ITIH5: variants seen among roughly 807,000 people sequenced by gnomAD.
ITIH5 encodes the protein inter-alpha-trypsin inhibitor heavy chain 5.
Under a neutral mutation model 77.5 loss-of-function variants are expected in ITIH5, and 65 were observed. That is an observed-to-expected ratio of 0.84 (90% CI 0.69 to 1.03). The LOEUF (loss-of-function observed/expected upper bound fraction) is 1.03. Ranked by LOEUF, ITIH5 falls within the 50% of genes least tolerant of loss-of-function variation. The pLI, the probability that ITIH5 is intolerant of heterozygous loss-of-function variation, is 0.00. For synonymous variants in ITIH5, 525 were observed against 494.3 expected, an observed-to-expected ratio of 1.06 and a Z score of -0.82; for missense variants, 1,208 against 1,213.1, an observed-to-expected ratio of 1.00 and a Z score of 0.06.
intron 11 of ITIH5, chr10:7,572,514 C>G: frequency 8.1e-7 from 1 of 1,229,992 alleles, no homozygotes; most frequent in African/African-American, 1.6e-5. Flanking sequence ...CTCCGGATCT[C>G]TAAAACAAAT....
At chr10:7,568,977 T>C (rs1374943302) in intron 12 of ITIH5, among the ~76,000 whole-genome samples, 1 of 151,384 alleles carries the variant, frequency 6.6e-6, no homozygotes, top group Admixed American at 6.6e-5. Flanking sequence ...TACACAATAA[T>C]ATATTGTGGT....
At chr10:7,613,763 GAGAC>G (rs1359990210) in intron 7 of ITIH5, among the ~76,000 whole-genome samples, 3 of 152,186 alleles carry the variant, frequency 2.0e-5, no homozygotes, top group Non-Finnish European at 4.4e-5. Flanking sequence ...CAAGACCGAA[GAGAC>G]ACCTGAGAGG....
chr10:7,644,788 A>C (rs1053367118), intron 2 of ITIH5, among the ~76,000 whole-genome samples: 70 of 127,646 alleles, frequency 5.5e-4, no homozygotes, highest in African/African-American at 2.1e-3. Context: ...TCACATATAT[A>C]TCATATATAT....
intron 5 of ITIH5, chr10:7,619,787 G>T: frequency 6.0e-6 from 1 of 165,300 alleles, no homozygotes; most frequent in African/African-American, 2.4e-5. Context: ...CCTCCCACCA[G>T]GCCACTCCTC....
At chr10:7,581,859 G>A (rs1020770628) in intron 8 of ITIH5, among the ~76,000 whole-genome samples, 1 of 141,540 alleles carries the variant, frequency 7.1e-6, no homozygotes, top group Non-Finnish European at 1.5e-5. Flanking sequence ...ACCATGCCCG[G>A]CCACCCATGT....
intron 11 of ITIH5, chr10:7,571,916 G>GA: frequency 2.1e-6 from 2 of 962,886 alleles, no homozygotes; most frequent in Non-Finnish European, 2.5e-6. Context: ...GGGACCCATG[G>GA]AGATAGAGGA....
chr10:7,612,873 G>C (rs1370798973), intron 7 of ITIH5, among the ~76,000 whole-genome samples: 1 of 152,126 alleles, frequency 6.6e-6, no homozygotes, highest in Non-Finnish European at 1.5e-5. Context: ...AGAAGCCATG[G>C]TTATTCTTCT....
chr10:7,565,185 T>C (rs1832122419), intron 13 of ITIH5, among the ~76,000 whole-genome samples: 1 of 56,908 alleles, frequency 1.8e-5, no homozygotes, highest in East Asian at 3.2e-4. Flanking sequence ...ACAGGCTATA[T>C]ATATATATAT....
intron 7 of ITIH5, among the ~76,000 whole-genome samples, chr10:7,614,387 T>C (rs958514424): frequency 1.3e-5 from 2 of 152,224 alleles, no homozygotes; most frequent in African/African-American, 4.8e-5. Context: ...GTCCAACCCC[T>C]GGCCCACAGG....
At chr10:7,575,894 T>G (rs1832402569) in intron 10 of ITIH5, among the ~76,000 whole-genome samples, 1 of 152,252 alleles carries the variant, frequency 6.6e-6, no homozygotes, top group South Asian at 2.1e-4. Context: ...CTGACTTCAC[T>G]AGGTGACATT....
intron 7 of ITIH5, among the ~76,000 whole-genome samples, chr10:7,605,657 T>A (rs1833109945): frequency 6.6e-6 from 1 of 152,132 alleles, no homozygotes; most frequent in Non-Finnish European, 1.5e-5. Flanking sequence ...AGTGGGGGGC[T>A]GTGCTATCAG....
At chr10:7,645,438 A>C (rs772925669) in intron 2 of ITIH5, among the ~76,000 whole-genome samples, 1 of 152,158 alleles carries the variant, frequency 6.6e-6, no homozygotes, top group Non-Finnish European at 1.5e-5. Context: ...ACAGAATCAG[A>C]AACTCAGAGG....
At chr10:7,567,160 C>T (rs1408339152) in intron 12 of ITIH5, among the ~76,000 whole-genome samples, 2 of 151,752 alleles carry the variant, frequency 1.3e-5, no homozygotes, top group African/African-American at 4.8e-5. Context: ...GTCAAGATAT[C>T]GTAGATGGAG....
In ITIH5 at chr10:7,566,298, T is replaced by A; in HGVS notation, c.2259A>T (p.Arg753Ser). The A allele has an allele frequency of 1.2e-6, 2 of 1,613,564 alleles. No individual in the cohort carries two copies. The highest frequency in any genetic ancestry group is 8.5e-7 in the Non-Finnish European group (1 of 1,179,834). Reference protein sequence around the residue: ...TITILINKPERSYLEITPSRV... With the variant: ...TITILINKPESSYLEITPSRV... Reference sequence around the variant, plus strand: ...TGCTCGGTGTGATCTCGAGATAAGATCTCTCTGGCTTGTTGATGAGGATGG... The same window carrying A: ...TGCTCGGTGTGATCTCGAGATAAGAACTCTCTGGCTTGTTGATGAGGATGG... The change falls in exon 13 of 14, where the codon AGA (arginine) becomes AGT (serine). Residue 753 changes from arginine to serine, a missense_variant. Physicochemically the swap from Arg to Ser is moderately radical, Grantham distance 110. Coordinates refer to ENST00000397146, the MANE Select transcript of ITIH5 (RefSeq NM_030569.7).
At chr10:7,572,910 T>C (rs1564236471) in intron 11 of ITIH5, 2 of 408,894 alleles carry the variant, frequency 4.9e-6, no homozygotes. Context: ...CCCCAGTAGC[T>C]GGAACTACAG....
chr10:7,613,158 G>A (rs1011144856), intron 7 of ITIH5, among the ~76,000 whole-genome samples: 2 of 151,276 alleles, frequency 1.3e-5, no homozygotes, highest in South Asian at 2.1e-4. Context: ...AGGCAGGAGA[G>A]TTGCTTGAAC....
chr10:7,571,117 G>A (rs1588360332), intron 11 of ITIH5, among the ~76,000 whole-genome samples: 1 of 152,166 alleles, frequency 6.6e-6, no homozygotes, highest in African/African-American at 2.4e-5. Flanking sequence ...GGATCTGGCT[G>A]CTCTCCCTGG....
intron 4 of ITIH5, among the ~76,000 whole-genome samples, chr10:7,638,591 G>C (rs1833836780): frequency 1.3e-5 from 2 of 152,190 alleles, no homozygotes; most frequent in South Asian, 4.2e-4. Context: ...CAAGGTCTCA[G>C]AAAGTTTACT....
intron 5 of ITIH5, among the ~76,000 whole-genome samples, chr10:7,624,798 A>C (rs201431849): frequency 3.2e-4 from 20 of 61,798 alleles, no homozygotes; most frequent in Admixed American, 1.5e-3. Flanking sequence ...AAAAAAAAAA[A>C]ATATATATAT....
Sources: gnomAD v4.1 joint callset for allele counts (sites outside exome capture counted in the v4.1 genomes callset) on GRCh38, gnomAD v4.1.1 for gene constraint, MANE v1.5 for transcripts, NCBI Gene and HGNC (gene_info 2026-07-23, HGNC 2026-07-21) for gene names.